The following NAV2 variants were observed in gnomAD, a reference collection of about 807,000 sequenced individuals.
NAV2 encodes the protein helicase, APC down-regulated 1.
NAV2 carries 54 observed loss-of-function variants against 223.2 expected under a neutral mutation model. The ratio of observed to expected loss-of-function variants is 0.24; its 90% CI spans 0.19 to 0.30. The LOEUF is 0.30. Among genes scored for constraint, NAV2 ranks in the 10% least tolerant of loss-of-function variants. The pLI is 1.00. For synonymous variants in NAV2, 1,279 were observed against 1,239.3 expected, an observed-to-expected ratio of 1.03 and a Z score of -0.67; for missense variants, 2,806 against 3,147.5, an observed-to-expected ratio of 0.89 and a Z score of 2.60.
At chr11:19,451,343 T>C (rs1217941818) in intron 1 of NAV2, among the ~76,000 whole-genome samples, 1 of 152,132 alleles carries the variant, frequency 6.6e-6, no homozygotes, top group Non-Finnish European at 1.5e-5. Flanking sequence ...CAGCACAGAG[T>C]TCGTCACATC....
chr11:19,828,407 C>G (rs959166007), intron 1 of NAV2, among the ~76,000 whole-genome samples: 1 of 152,214 alleles, frequency 6.6e-6, no homozygotes, highest in African/African-American at 2.4e-5. Flanking sequence ...GAATTTGATT[C>G]TTGTAGGTAC....
chr11:19,845,616 G>A (rs530729850), intron 3 of NAV2, among the ~76,000 whole-genome samples: 110 of 152,302 alleles, frequency 7.2e-4, no homozygotes, highest in African/African-American at 2.4e-3. Flanking sequence ...CTCAGCTCAA[G>A]AGTAGGTTAG....
At chr11:19,884,299 C>A (rs2063400026) in intron 5 of NAV2, 1 of 1,613,142 alleles carries the variant, frequency 6.2e-7, no homozygotes, top group Non-Finnish European at 8.5e-7. Flanking sequence ...TGCAGTGCAT[C>A]ATCCAAGGAC....
chr11:19,567,470 C>A (rs1017906565), intron 1 of NAV2, among the ~76,000 whole-genome samples: 5 of 152,228 alleles, frequency 3.3e-5, no homozygotes, highest in Admixed American at 3.3e-4. Flanking sequence ...TCTCTCTTTT[C>A]CCATCAGCAC....
intron 11 of NAV2, among the ~76,000 whole-genome samples, chr11:20,007,316 G>T (rs2053170179): frequency 1.3e-5 from 2 of 152,190 alleles, no homozygotes; most frequent in Non-Finnish European, 2.9e-5. Flanking sequence ...GAAGAATTAG[G>T]TGATTAAGTA....
intron 1 of NAV2, among the ~76,000 whole-genome samples, chr11:19,695,087 C>A (rs1369350231): frequency 6.6e-6 from 1 of 152,246 alleles, no homozygotes; most frequent in Non-Finnish European, 1.5e-5. Flanking sequence ...AAGGGACACA[C>A]TGGCATCAGA....
intron 1 of NAV2, among the ~76,000 whole-genome samples, chr11:19,472,545 G>C (rs1209775506): frequency 6.6e-6 from 1 of 152,062 alleles, no homozygotes. Context: ...GTAGCCTCAC[G>C]CTGTCAGGCT....
chr11:20,028,674 T>C (rs751099383), intron 11 of NAV2, among the ~76,000 whole-genome samples: 1 of 152,200 alleles, frequency 6.6e-6, no homozygotes, highest in Admixed American at 6.5e-5. Flanking sequence ...ATCCTTCTGA[T>C]GAGCTCTGCG....
chr11:19,460,433 C>T lies in NAV2; in HGVS notation c.75+109406C>T, dbSNP rs575888014. ...AACAAATAAAGTACTCAGCATGTTG[C>T]CCACCTGGCACATGGTGGGTGACCC... On this transcript the variant is annotated intron_variant, in intron 1 of 37. Coordinates refer to the NAV2 transcript ENST00000360655. Among the ~76,000 whole-genome samples the T allele has an allele frequency of 2.6e-5, 4 of 152,268 alleles. 1 individual carries two copies. The highest frequency in any genetic ancestry group is 2.6e-4 in the Admixed American group (4 of 15,298).
intron 1 of NAV2, among the ~76,000 whole-genome samples, chr11:19,660,502 A>T (rs1287907530): frequency 6.6e-6 from 1 of 152,090 alleles, no homozygotes; most frequent in African/African-American, 2.4e-5. Context: ...CAATGTCAGG[A>T]GAAATTAGAG....
intron 1 of NAV2, among the ~76,000 whole-genome samples, chr11:19,438,346 C>G (rs1404712616): frequency 6.6e-6 from 1 of 152,198 alleles, no homozygotes; most frequent in Non-Finnish European, 1.5e-5. Flanking sequence ...AGACAGGGAG[C>G]AGGGGAAGCA....
intron 4 of NAV2, among the ~76,000 whole-genome samples, chr11:19,879,633 T>G (rs2063074329): frequency 6.6e-6 from 1 of 152,198 alleles, no homozygotes. Flanking sequence ...AATTTCCTCT[T>G]GGCACCTACC....
At chr11:19,747,029 T>G (rs59699623) in intron 1 of NAV2, among the ~76,000 whole-genome samples, 102,603 of 121,656 alleles carry the variant, frequency 0.84, 43,933 homozygotes, top group Middle Eastern at 0.94. Context: ...TCTCCTAATA[T>G]CTATCCCTCT....
At chr11:19,397,418 T>TGTGTGTGTGTGTGC (rs57566081) in intron 1 of NAV2, among the ~76,000 whole-genome samples, 5,503 of 145,186 alleles carry the variant, frequency 0.038, 134 homozygotes, top group Middle Eastern at 0.058. Context: ...TGTGTGTGTG[T>TGTGTGTGTGTGTGC]GCGCGCATGT....
intron 1 of NAV2, among the ~76,000 whole-genome samples, chr11:19,821,874 T>C (rs907188528): frequency 6.6e-6 from 1 of 152,154 alleles, no homozygotes; most frequent in Admixed American, 6.5e-5. Context: ...TGACCTTCTG[T>C]GGTAGTGGTT....
chr11:19,911,354 C>T (rs1438364521), intron 6 of NAV2, among the ~76,000 whole-genome samples: 1 of 152,122 alleles, frequency 6.6e-6, no homozygotes, highest in African/African-American at 2.4e-5. Flanking sequence ...ATAAGGAAAG[C>T]GTATTCTAGA....
At chr11:19,444,545 G>A (rs906184942) in intron 1 of NAV2, among the ~76,000 whole-genome samples, 7 of 151,494 alleles carry the variant, frequency 4.6e-5, no homozygotes, top group African/African-American at 1.2e-4. Flanking sequence ...CTGAATGGCT[G>A]TAGAACCGGC....
chr11:19,355,456 C>T (rs1223310957), intron 1 of NAV2, among the ~76,000 whole-genome samples: 3 of 152,076 alleles, frequency 2.0e-5, no homozygotes, highest in Non-Finnish European at 4.4e-5. Context: ...CCAAGCCCTG[C>T]CCTTCAAAGG....
At chr11:19,414,331 A>C (rs1850274088) in intron 1 of NAV2, among the ~76,000 whole-genome samples, 1 of 152,230 alleles carries the variant, frequency 6.6e-6, no homozygotes, top group Non-Finnish European at 1.5e-5. Flanking sequence ...ACCAACAAAG[A>C]TCAAAAAAGA....
Sources: gnomAD v4.1 joint callset for allele counts (sites outside exome capture counted in the v4.1 genomes callset) on GRCh38, gnomAD v4.1.1 for gene constraint, MANE v1.5 for transcripts, NCBI Gene and HGNC (gene_info 2026-07-23, HGNC 2026-07-21) for gene names.